The following ZFAND6 variants were observed in gnomAD, a reference collection of about 807,000 sequenced individuals.
ZFAND6 encodes zinc finger AN1-type containing 6.
Under a neutral mutation model 24.5 loss-of-function variants are expected in ZFAND6, and 12 were observed. The observed-to-expected ratio is 0.49, with a 90% confidence interval of 0.31 to 0.79. The LOEUF (loss-of-function observed/expected upper bound fraction) is 0.79. ZFAND6 is among the 30% of genes least tolerant of loss of function. ZFAND6 has a pLI of 0.04. For synonymous variants in ZFAND6, 92 were observed against 81.5 expected (o/e 1.13, Z -0.69); for missense variants, 207 against 245.9 (o/e 0.84, Z 1.06).
intron 1 of ZFAND6, among the ~76,000 whole-genome samples, chr15:80,083,855 C>T (rs1355320591): frequency 6.6e-6 from 1 of 152,164 alleles, no homozygotes; most frequent in Non-Finnish European, 1.5e-5. Context: ...GAGCGAAATT[C>T]CTTCTCAAAA....
chr15:80,135,683 C>T (rs868142593), intron 6 of ZFAND6, among the ~76,000 whole-genome samples: 4 of 152,244 alleles, frequency 2.6e-5, no homozygotes, highest in Non-Finnish European at 5.9e-5. Flanking sequence ...CACCTATAAT[C>T]CCAGCACTTG....
rs2038862909 is a variant in ZFAND6, at chr15:80,098,569, C to T, written c.-27C>T. On this transcript the variant is annotated 5_prime_UTR_variant, in exon 2 of 7. Coordinates refer to ENST00000261749, the MANE Select transcript of ZFAND6 (RefSeq NM_019006.4). The stretch of plus-strand genomic sequence containing the variant: ...TACAGGACAGCTGTTTGCTCATCAA[C>T]CTCAACTGTGTGAGTAGAGACTTAA... 6.6e-6 allele frequency: 1 copy of T among 152,166 alleles called. No homozygotes were observed. The highest frequency in any genetic ancestry group is 1.5e-5 in the Non-Finnish European group (1 of 68,016). The allele number at this position is 152,166 out of a possible 1,614,324, so 9.4% of individuals were successfully genotyped here.
At chr15:80,116,561 T>C (rs1188014542) in intron 2 of ZFAND6, among the ~76,000 whole-genome samples, 2 of 152,216 alleles carry the variant, frequency 1.3e-5, no homozygotes, top group Admixed American at 6.5e-5. Context: ...CAATCTGTTA[T>C]AGTGTTATAA....
chr15:80,136,407 G>A (rs2142071786), intron 6 of ZFAND6, among the ~76,000 whole-genome samples: 1 of 152,120 alleles, frequency 6.6e-6, no homozygotes, highest in African/African-American at 2.4e-5. Context: ...GGAGATTGTG[G>A]TGAGCCGAGA....
intron 1 of ZFAND6, among the ~76,000 whole-genome samples, chr15:80,077,579 C>G (rs2037354453): frequency 6.6e-6 from 1 of 151,674 alleles, no homozygotes. Context: ...TAAATATTAC[C>G]AATGTTTGTT....
intron 2 of ZFAND6, among the ~76,000 whole-genome samples, chr15:80,107,344 C>CCT (rs1326876724): frequency 1.3e-5 from 2 of 152,098 alleles, no homozygotes; most frequent in African/African-American, 4.8e-5. Context: ...GTAGTCATTA[C>CCT]ATAATGACAT....
At chr15:80,100,017 A>G (rs2038951566) in intron 2 of ZFAND6, among the ~76,000 whole-genome samples, 3 of 152,220 alleles carry the variant, frequency 2.0e-5, no homozygotes, top group Admixed American at 1.3e-4. Flanking sequence ...CAAAGGTTTC[A>G]CTTTGCCCCA....
At chr15:80,066,433 C>T (rs2036640473) in intron 1 of ZFAND6, among the ~76,000 whole-genome samples, 1 of 152,034 alleles carries the variant, frequency 6.6e-6, no homozygotes, top group Admixed American at 6.5e-5. Context: ...CTGCCTCAGC[C>T]TCCTGAGTAG....
chr15:80,106,995 C>G (rs2039362643), intron 2 of ZFAND6, among the ~76,000 whole-genome samples: 1 of 151,948 alleles, frequency 6.6e-6, no homozygotes, highest in African/African-American at 2.4e-5. Flanking sequence ...GGTGGATCAC[C>G]TGAGGTCAGG....
chr15:80,130,903 C>G, intron 5 of ZFAND6: 1 of 336,748 alleles, frequency 3.0e-6, no homozygotes, highest in Non-Finnish European at 5.4e-6. Flanking sequence ...TTTGTAGTTA[C>G]TAGAAAAATT....
At chr15:80,062,565 A>T (rs1294207153) in intron 1 of ZFAND6, among the ~76,000 whole-genome samples, 1 of 152,238 alleles carries the variant, frequency 6.6e-6, no homozygotes, top group African/African-American at 2.4e-5. Flanking sequence ...GTGAATTTAC[A>T]TGTAATTTTG....
chr15:80,071,884 C>G (rs2036999878), intron 1 of ZFAND6, among the ~76,000 whole-genome samples: 2 of 151,958 alleles, frequency 1.3e-5, no homozygotes, highest in African/African-American at 2.4e-5. Context: ...ACTCACATGT[C>G]AGATCTGTTA....
At chr15:80,107,189 T>C (rs1031980200) in intron 2 of ZFAND6, among the ~76,000 whole-genome samples, 3 of 152,178 alleles carry the variant, frequency 2.0e-5, no homozygotes, top group African/African-American at 7.2e-5. Flanking sequence ...CGCTCCAGCC[T>C]GTGCAACAAG....
chr15:80,079,504 G>A (rs1165833451), intron 1 of ZFAND6, among the ~76,000 whole-genome samples: 2 of 151,830 alleles, frequency 1.3e-5, no homozygotes, highest in East Asian at 2.0e-4. Context: ...ACAGGCGTGA[G>A]CCACCGCACC....
intron 1 of ZFAND6, among the ~76,000 whole-genome samples, chr15:80,061,156 A>C (rs1390310767): frequency 6.6e-6 from 1 of 152,208 alleles, no homozygotes; most frequent in Admixed American, 6.5e-5. Context: ...TTCCAAAACA[A>C]GTTGTCTTTT....
chr15:80,129,409 G>A (rs2040502618), intron 5 of ZFAND6, among the ~76,000 whole-genome samples: 1 of 152,226 alleles, frequency 6.6e-6, no homozygotes, highest in Admixed American at 6.5e-5. Flanking sequence ...ATGAGATAAT[G>A]ATGGTAGCAT....
Position 80,121,716 on chromosome 15 carries a change from C to A in ZFAND6, c.159C>A (p.Thr53=). 1 of 1,613,566 alleles carries A rather than the reference C, an allele frequency of 6.2e-7. No homozygotes were observed. The part of the protein sequence containing the change: ...SSNGRISPPA[T]SVSSLSESLP... The stretch of plus-strand genomic sequence containing the variant: ...CGCAATGTGGTACTGTTACAGCAAC[C>A]TCTGTCAGTAGTCTGTCTGAATCTT... The change falls in exon 4 of 7, where the codon ACC becomes ACA. Residue 53 remains threonine (T), a synonymous_variant. Transcript: ENST00000261749.
intron 3 of ZFAND6, among the ~76,000 whole-genome samples, chr15:80,121,422 G>C (rs2040140846): frequency 2.6e-5 from 4 of 152,104 alleles, no homozygotes; most frequent in Admixed American, 2.6e-4. Flanking sequence ...CTAGTACTTG[G>C]AAGATGTTTT....
intron 2 of ZFAND6, among the ~76,000 whole-genome samples, chr15:80,102,403 C>T (rs2039084638): frequency 6.6e-6 from 1 of 152,172 alleles, no homozygotes; most frequent in African/African-American, 2.4e-5. Context: ...GTGTGAGCCC[C>T]CGCGCCCAGC....
Sources: gnomAD v4.1 joint callset for allele counts (sites outside exome capture counted in the v4.1 genomes callset) on GRCh38, gnomAD v4.1.1 for gene constraint, MANE v1.5 for transcripts, NCBI Gene and HGNC (gene_info 2026-07-23, HGNC 2026-07-21) for gene names.